The following L3MBTL1 variants were observed in gnomAD, a reference collection of about 807,000 sequenced individuals.
The protein encoded by L3MBTL1 is lethal(3)malignant brain tumor-like protein 1.
Under a neutral mutation model 105.3 loss-of-function variants are expected in L3MBTL1, and 75 were observed. The ratio of observed to expected loss-of-function variants is 0.71; its 90% CI spans 0.59 to 0.86. L3MBTL1 has a LOEUF of 0.86. Among genes scored for constraint, L3MBTL1 ranks in the 40% least tolerant of loss-of-function variants. The pLI, the probability that L3MBTL1 is intolerant of heterozygous loss-of-function variation, is 0.00. For missense variants in L3MBTL1, 1,069 were observed against 1,126.4 expected (o/e 0.95, Z 0.73); for synonymous variants, 452 against 436.2 (o/e 1.04, Z -0.45).
At position 43,530,327 on chromosome 20, in the gene L3MBTL1, A is replaced by T. The variant is rs1336401167; in HGVS notation, c.1100A>T (p.Glu367Val). The T allele has an allele frequency of 8.1e-6, 13 of 1,613,936 alleles. No homozygotes were observed. Among genetic ancestry groups the T allele is most frequent in the Non-Finnish European group, 1.1e-5 (13 of 1,180,016 alleles). The change falls in exon 10 of 22, where the codon GAG becomes GTG. Residue 367 changes from glutamate to valine, a missense_variant. Coordinates refer to ENST00000418998, the MANE Select transcript of L3MBTL1 (RefSeq NM_001377303.1). ...RLRLHFDGYS[E>V]CHDFWVNANS... ...CGCCTGCACTTTGATGGGTATTCTGAGTGCCATGACTTCTGGGTCAATGCC... is the reference window on the plus strand; with the variant it reads ...CGCCTGCACTTTGATGGGTATTCTGTGTGCCATGACTTCTGGGTCAATGCC...
Position 43,528,592 on chromosome 20 carries a change from G to A in L3MBTL1, c.863-65G>A, listed in dbSNP as rs570865913. On this transcript the variant is annotated intron_variant, in intron 7 of 21. Coordinates refer to ENST00000418998, the MANE Select transcript of L3MBTL1 (RefSeq NM_001377303.1). ...GGGTGAAGGTAGAGCTTGGTCAGGGGAAGCCGAAGAAAGTCATATATCAGG... is the reference window on the plus strand; with the variant it reads ...GGGTGAAGGTAGAGCTTGGTCAGGGAAAGCCGAAGAAAGTCATATATCAGG... The A allele has an allele frequency of 1.7e-4, 203 of 1,216,774 alleles. 2 individuals are homozygous for A. The highest frequency in any genetic ancestry group is 5.0e-4 in the South Asian group (41 of 82,434). 75.4% of individuals were successfully genotyped at this position (1,216,774 alleles called of 1,614,324 possible). A position where few individuals can be genotyped will look rare whatever the true frequency, so the allele number is the denominator to read the frequency against.
chr20:43,509,478 T>C (rs1393466674), intron 1 of L3MBTL1, among the ~76,000 whole-genome samples: 1 of 152,202 alleles, frequency 6.6e-6, no homozygotes, highest in East Asian at 1.9e-4. Context: ...CCTCCCACCT[T>C]GGCCTCCCAA....
chr20:43,514,106 T>C, intron 3 of L3MBTL1, 45 bp downstream of exon 3: 1 of 1,477,570 alleles, frequency 6.8e-7, no homozygotes, highest in South Asian at 1.2e-5. Flanking sequence ...ACCGCAGCCA[T>C]GGGGCGGGGC....
chr20:43,543,385 C>T (rs1370458514), downstream of L3MBTL1, among the ~76,000 whole-genome samples: 2 of 152,194 alleles, frequency 1.3e-5, no homozygotes, highest in African/African-American at 4.8e-5. Flanking sequence ...CAGCCAGCTG[C>T]AGAGCCACCC....
chr20:43,544,740 G>A (rs569084333), downstream of L3MBTL1, among the ~76,000 whole-genome samples: 13 of 152,266 alleles, frequency 8.5e-5, no homozygotes, highest in South Asian at 1.0e-3. Context: ...CAAGGCGGGC[G>A]GATTATTTGA....
chr20:43,521,426 G>A (rs988170239), intron 7 of L3MBTL1, among the ~76,000 whole-genome samples: 5 of 152,240 alleles, frequency 3.3e-5, no homozygotes, highest in Non-Finnish European at 7.3e-5. Flanking sequence ...TGGGAGGGAA[G>A]TACTGTGTTG....
rs2019525815 is a variant in L3MBTL1, at chr20:43,534,879, C to T, written c.1762C>T (p.His588Tyr). 6.2e-7 allele frequency: 1 copy of T among 1,610,664 alleles called. No individual in the cohort carries two copies. The highest frequency in any genetic ancestry group is 2.2e-5 in the East Asian group (1 of 44,858). Residue 588 changes from histidine (H) to tyrosine (Y), a missense_variant, in exon 16 of 22, where the codon CAC (histidine) becomes TAC (tyrosine). Physicochemically the swap from His to Tyr is moderately conservative, Grantham distance 83. Coordinates refer to ENST00000418998, the MANE Select transcript of L3MBTL1 (RefSeq NM_001377303.1). ...CTATGATTTCTGGATCGACGCTGAC[C>T]ACCCAGACATCCACCCTGCCGGCTG... ...HGYDFWIDAD[H>Y]PDIHPAGWCS...
intron 7 of L3MBTL1, among the ~76,000 whole-genome samples, chr20:43,521,909 T>C (rs2018729915): frequency 6.6e-6 from 1 of 152,158 alleles, no homozygotes; most frequent in South Asian, 2.1e-4. Flanking sequence ...TAACGTAATT[T>C]CAAAGTAGCT....
chr20:43,534,711 T>A, intron 15 of L3MBTL1, 117 bp from the exon 16 acceptor site: 1 of 707,382 alleles, frequency 1.4e-6, no homozygotes, highest in East Asian at 2.7e-5. Context: ...GGTTGGCCCC[T>A]TGGTTCTTTC....
intron 11 of L3MBTL1, 26 bp from the exon 12 acceptor site, chr20:43,532,747 C>T (rs753300755): frequency 3.7e-6 from 6 of 1,613,828 alleles, no homozygotes; most frequent in Non-Finnish European, 5.1e-6. Context: ...TGGCCCTGGC[C>T]GTGGCAGCTC....
exon 19 of L3MBTL1, chr20:43,548,117 G>C (rs2145509647): frequency 7.7e-7 from 1 of 1,300,940 alleles, no homozygotes; most frequent in East Asian, 5.6e-5. Context: ...TCAGATGATT[G>C]ACGGCGAGGC....
At chr20:43,533,316 G>A in intron 12 of L3MBTL1, 26 bp from the exon 13 acceptor site, 1 of 1,609,860 alleles carries the variant, frequency 6.2e-7, no homozygotes, top group African/African-American at 1.3e-5. Context: ...TTTCTCTTGG[G>A]ACAGTGACAT....
chr20:43,536,472 AT>A lies in L3MBTL1; in HGVS notation c.2173+15del. 1 of 1,613,592 alleles carries A rather than the reference AT, an allele frequency of 6.2e-7. No individual in the cohort carries two copies. The highest frequency in any genetic ancestry group is 8.5e-7 in the Non-Finnish European group (1 of 1,179,778). On this transcript the variant is annotated intron_variant, in intron 19 of 21. Coordinates refer to ENST00000418998, the MANE Select transcript of L3MBTL1 (RefSeq NM_001377303.1). ...AAGATTTCCAGAGTAAGTCTGGGTT[AT>A]CTGCTCCTATGTCCTCCACCACAGA... is the stretch of plus-strand genomic sequence containing the variant.
chr20:43,513,432 A>C, intron 1 of L3MBTL1, 44 bp from the exon 2 acceptor site: 1 of 1,506,494 alleles, frequency 6.6e-7, no homozygotes. Flanking sequence ...TGCTGTAACA[A>C]AGGTCCCCAC....
intron 7 of L3MBTL1, among the ~76,000 whole-genome samples, chr20:43,517,008 G>A (rs555572563): frequency 5.0e-4 from 76 of 152,020 alleles, no homozygotes; most frequent in African/African-American, 1.8e-3. Flanking sequence ...TGTTGCTCAG[G>A]CTGGTCTCGA....
At chr20:43,537,772 T>C (rs1260703198) in intron 19 of L3MBTL1, among the ~76,000 whole-genome samples, 1 of 152,182 alleles carries the variant, frequency 6.6e-6, no homozygotes, top group East Asian at 1.9e-4. Context: ...CCTGGTTTAG[T>C]GCACCTTGGC....
At chr20:43,529,787 C>T (rs2019230865) in intron 9 of L3MBTL1, among the ~76,000 whole-genome samples, 2 of 152,186 alleles carry the variant, frequency 1.3e-5, no homozygotes, top group South Asian at 4.1e-4. Context: ...GAGGAAGGGC[C>T]TCCTTTGCAG....
chr20:43,531,529 C>T (rs1328252102), intron 11 of L3MBTL1: 1 of 151,946 alleles, frequency 6.6e-6, no homozygotes, highest in Admixed American at 6.6e-5. Flanking sequence ...GCCTGGGCAA[C>T]ATGGTGAAAC....
chr20:43,532,735 C>G, intron 11 of L3MBTL1, 38 bp from the exon 12 acceptor site: 1 of 1,613,032 alleles, frequency 6.2e-7, no homozygotes. Flanking sequence ...TCTTAGCCAG[C>G]TTGGCCCTGG....
Sources: gnomAD v4.1 joint callset for allele counts (sites outside exome capture counted in the v4.1 genomes callset) on GRCh38, gnomAD v4.1.1 for gene constraint, MANE v1.5 for transcripts, NCBI Gene and HGNC (gene_info 2026-07-23, HGNC 2026-07-21) for gene names.